GK: variants seen among roughly 807,000 people sequenced by gnomAD.
GK encodes ATP:glycerol 3-phosphotransferase.
Under a neutral mutation model 56.4 loss-of-function variants are expected in GK, and 9 were observed. The observed-to-expected ratio is 0.16, with a 90% CI of 0.10 to 0.28. GK has a LOEUF of 0.28. Ranked by LOEUF, GK falls within the 10% of genes least tolerant of loss-of-function variation. The pLI, the probability that GK is intolerant of heterozygous loss-of-function variation, is 1.00. For missense variants in GK, 161 were observed against 431.4 expected (o/e 0.37, Z 5.55); for synonymous variants, 104 against 144.1 (o/e 0.72, Z 1.99).
At chrX:30,671,841 T>C (rs1187494961) in intron 3 of GK, 2 of 111,347 alleles carry the variant, frequency 1.8e-5, no homozygotes, top group South Asian at 3.7e-4. Context: ...ACAGTAGCAA[T>C]TCCAAAATAC....
At chrX:30,673,461 A>G (rs1408465983) in intron 3 of GK, among the ~76,000 whole-genome samples, 1 of 112,043 alleles carries the variant, frequency 8.9e-6, no homozygotes, top group East Asian at 2.8e-4. Flanking sequence ...TCTTTAAAAA[A>G]CATAGAGGAT....
intron 11 of GK, among the ~76,000 whole-genome samples, chrX:30,701,861 A>G (rs1389055073): frequency 7.2e-5 from 8 of 111,758 alleles, no homozygotes; most frequent in Non-Finnish European, 1.9e-5. Context: ...ACTTTAGGAT[A>G]AGAAAATGGA....
At chrX:30,724,708 T>C in intron 19 of GK, 1 of 240,861 alleles carries the variant, frequency 4.2e-6, no homozygotes, top group Non-Finnish European at 7.8e-6. Flanking sequence ...GGAAGTGCTC[T>C]TAGCAGAAAA....
At chrX:30,660,220 T>C (rs1020386465) in intron 1 of GK, among the ~76,000 whole-genome samples, 3 of 107,604 alleles carry the variant, frequency 2.8e-5, no homozygotes, top group African/African-American at 1.0e-4. Context: ...ATAATAATAA[T>C]AACATAGCAG....
chrX:30,672,822 A>C (rs1182427837), intron 3 of GK, among the ~76,000 whole-genome samples: 3 of 111,829 alleles, frequency 2.7e-5, no homozygotes, highest in African/African-American at 6.5e-5. Context: ...CTCAAAAAAA[A>C]AATGAAAATA....
At chrX:30,676,133 T>A (rs1030186903) in intron 3 of GK, among the ~76,000 whole-genome samples, 1 of 111,133 alleles carries the variant, frequency 9.0e-6, no homozygotes. Flanking sequence ...GACTGGGTTT[T>A]GCTACATTGC....
intron 2 of GK, among the ~76,000 whole-genome samples, chrX:30,666,328 G>A (rs1202768401): frequency 8.9e-6 from 1 of 112,081 alleles, no homozygotes; most frequent in East Asian, 2.8e-4. Context: ...ACCAACACAA[G>A]GGAATGTCAC....
At chrX:30,703,531 C>G (rs866528095) in intron 11 of GK, among the ~76,000 whole-genome samples, 1 of 111,382 alleles carries the variant, frequency 9.0e-6, no homozygotes, top group South Asian at 3.8e-4. Context: ...CATCTAGGTA[C>G]CTGGACCCTG....
chrX:30,725,262 T>C (rs1937084746), intron 19 of GK, among the ~76,000 whole-genome samples: 1 of 112,049 alleles, frequency 8.9e-6, no homozygotes. Flanking sequence ...GTATCTGTTT[T>C]TTAGGAGAAG....
intron 1 of GK, among the ~76,000 whole-genome samples, chrX:30,664,606 A>G (rs1932945768): frequency 9.1e-6 from 1 of 109,618 alleles, no homozygotes; most frequent in Non-Finnish European, 1.9e-5. Context: ...GTTTTATATC[A>G]AGGGTCAGCA....
Position 30,720,002 on chromosome X carries a change from T to A in GK, c.1152-9T>A. 9.0e-7 allele frequency: 1 copy of A among 1,106,087 alleles called. No homozygotes were observed. The highest frequency in any genetic ancestry group is 1.8e-5 in the South Asian group (1 of 54,689). 91.2% of individuals were successfully genotyped at this position (1,106,087 alleles called of 1,213,427 possible). ...ATTCTAATCTGAAAATCTTTGTGCG[T>A]ATTTTTAGGATAATCTGTGGACTCA... is the stretch of plus-strand genomic sequence containing the variant. On this transcript the variant is annotated splice_polypyrimidine_tract_variant and intron_variant, in intron 15 of 20. Coordinates refer to ENST00000427190, the MANE Select transcript of GK (RefSeq NM_001205019.2).
intron 4 of GK, among the ~76,000 whole-genome samples, chrX:30,683,454 G>C (rs1168517260): frequency 4.5e-5 from 5 of 111,169 alleles, no homozygotes; most frequent in African/African-American, 1.6e-4. Context: ...ATGGCTCAGG[G>C]ACACTTGATA....
intron 5 of GK, among the ~76,000 whole-genome samples, chrX:30,691,542 G>A (rs1934934328): frequency 1.0e-5 from 1 of 98,011 alleles, no homozygotes; most frequent in Non-Finnish European, 2.0e-5. Context: ...GTGTGATCTC[G>A]GCTCACCGCA....
intron 1 of GK, among the ~76,000 whole-genome samples, chrX:30,664,561 C>T (rs1400466565): frequency 9.1e-6 from 1 of 109,739 alleles, no homozygotes; most frequent in Non-Finnish European, 1.9e-5. Context: ...GATCGTATTA[C>T]ACTTCTTTGT....
chrX:30,683,787 G>C (rs762866239), intron 4 of GK, among the ~76,000 whole-genome samples: 2 of 112,204 alleles, frequency 1.8e-5, no homozygotes, highest in Admixed American at 9.4e-5. Flanking sequence ...GTGTTACTTT[G>C]CATCACTGCT....
At chrX:30,728,439 G>C (rs1245102904) in intron 20 of GK, among the ~76,000 whole-genome samples, 1 of 111,842 alleles carries the variant, frequency 8.9e-6, no homozygotes, top group African/African-American at 3.2e-5. Context: ...TATGTGTCTA[G>C]AGTCTTAGAC....
intron 6 of GK, chrX:30,695,257 A>C: frequency 2.1e-6 from 1 of 484,688 alleles, no homozygotes; most frequent in Non-Finnish European, 2.8e-6. Flanking sequence ...CACCTTCTTC[A>C]CCTCTCCATG....
intron 3 of GK, among the ~76,000 whole-genome samples, chrX:30,672,584 C>T (rs893635546): frequency 4.5e-5 from 5 of 112,160 alleles, no homozygotes; most frequent in South Asian, 7.3e-4. Context: ...GAGACTGAGG[C>T]GGGCGGATCA....
intron 9 of GK, among the ~76,000 whole-genome samples, chrX:30,699,423 T>C (rs1935521987): frequency 1.0e-5 from 1 of 98,939 alleles, no homozygotes; most frequent in Admixed American, 1.2e-4. Flanking sequence ...TGGAGTGCAA[T>C]GGCATGATCT....
Sources: gnomAD v4.1 joint callset for allele counts (sites outside exome capture counted in the v4.1 genomes callset) on GRCh38, gnomAD v4.1.1 for gene constraint, MANE v1.5 for transcripts, NCBI Gene and HGNC (gene_info 2026-07-23, HGNC 2026-07-21) for gene names.